Variants in NPB observed in about 807,000 individuals in gnomAD.
NPB encodes prepro-NPB.
NPB carries 8 observed loss-of-function variants against 6.7 expected under a neutral mutation model. That is an observed-to-expected ratio of 1.20 (90% CI 0.71 to 2.17). NPB has a LOEUF of 2.17. Ranked by LOEUF, NPB falls within the 30% of genes most tolerant of loss-of-function variation. The probability of loss-of-function intolerance (pLI) is 0.00; values close to 1 mark genes in which losing one functional copy is unlikely to be tolerated. For synonymous variants in NPB, 118 were observed against 103.4 expected, an observed-to-expected ratio of 1.14 and a Z score of -0.86; for missense variants, 199 against 190.2, an observed-to-expected ratio of 1.05 and a Z score of -0.27.
chr17:81,902,520 G>A lies in NPB; in HGVS notation c.243G>A (p.Arg81=). The change falls in exon 1 of 2, where the codon CGG becomes CGA. Residue 81 remains arginine (R), a synonymous_variant. Transcript: ENST00000333383. Reference sequence around the variant, plus strand: ...AGCTGCAACTGCACCCCAGGCTGCGGAGCCTCGTGAGTCCGGCGTGCCGGG... The same window carrying A: ...AGCTGCAACTGCACCCCAGGCTGCGAAGCCTCGTGAGTCCGGCGTGCCGGG... ...SPELQLHPRL[R]SLAVCVQDVA... The A allele has an allele frequency of 1.4e-6, 2 of 1,451,332 alleles. No individual in the cohort carries two copies. Among genetic ancestry groups the A allele is most frequent in the Non-Finnish European group, 1.8e-6 (2 of 1,108,896 alleles). 89.9% of individuals were successfully genotyped at this position (1,451,332 alleles called of 1,614,324 possible).
rs1406263188 is a variant in NPB at position 81,902,631 on chromosome 17, C to G, written c.261C>G (p.Val87=). Residue 87 remains valine (V), a synonymous_variant, in exon 2 of 2, where the codon GTC becomes GTG. Coordinates refer to ENST00000333383, the MANE Select transcript of NPB (RefSeq NM_148896.5). ...HPRLRSLAVC[V]QDVAPNLQRC... ...TGCCTGCCCCCCAGGCTGTGTGCGTCCAGGACGTCGCCCCAAACCTGCAGA... is the reference window on the plus strand; with the variant it reads ...TGCCTGCCCCCCAGGCTGTGTGCGTGCAGGACGTCGCCCCAAACCTGCAGA... 6.3e-7 allele frequency: 1 copy of G among 1,597,354 alleles called. No homozygotes were observed. The highest frequency in any genetic ancestry group is 1.4e-5 in the African/African-American group (1 of 73,914).
chr17:81,902,825 C>G lies in NPB; in HGVS notation c.*77C>G, dbSNP rs1165798523. 1 of 1,352,828 alleles carries G rather than the reference C, an allele frequency of 7.4e-7. No homozygotes were observed. 83.8% of individuals were successfully genotyped at this position (1,352,828 alleles called of 1,614,324 possible). ...TCGGTGACCCCAGGCCCCTCCGGCG[C>G]GGGATGGCGCCCCAGGTCTCCCCTA... On this transcript the variant is annotated 3_prime_UTR_variant, in exon 2 of 2. Transcript: ENST00000333383.
In NPB at chr17:81,902,715, G is replaced by A; in HGVS notation, c.345G>A (p.Leu115=). The A allele has an allele frequency of 6.2e-7, 1 of 1,608,560 alleles. No homozygotes were observed. ...ACCAGTGCAAGGCGAACGTCTTCCT[G>A]TCCCTGCGCGCAGCCGACTGCCTCG... ...GTYQCKANVF[L]SLRAADCLAA Residue 115 remains leucine (L), a synonymous_variant, in exon 2 of 2, where the codon CTG becomes CTA. Coordinates refer to ENST00000333383, the MANE Select transcript of NPB (RefSeq NM_148896.5).
At chr17:81,902,598 C>G (rs756514191) in intron 1 of NPB, 22 bp from the exon 2 acceptor site, 4 of 1,549,512 alleles carry the variant, frequency 2.6e-6, no homozygotes, top group Admixed American at 3.9e-5. Flanking sequence ...GGCCCCTCAG[C>G]CTTTGCTTGC....
In NPB at chr17:81,902,783, C is replaced by A; in HGVS notation, c.*35C>A. ...TCTCCTGGCACCGCTGGGGGCCCCC[C>A]GCCCCCACCGTCCCACTCGGTGACC... On this transcript the variant is annotated 3_prime_UTR_variant, in exon 2 of 2. Transcript: ENST00000333383. 2 of 1,569,434 alleles carry A rather than the reference C, an allele frequency of 1.3e-6. No homozygotes were observed. The highest frequency in any genetic ancestry group is 1.4e-5 in the African/African-American group (1 of 72,884).
chr17:81,902,333 C>A lies in NPB; in HGVS notation c.56C>A (p.Ala19Glu). 1 of 1,339,984 alleles carries A rather than the reference C, an allele frequency of 7.5e-7. No homozygotes were observed. Among genetic ancestry groups the A allele is most frequent in the South Asian group, 2.0e-5 (1 of 49,536 alleles). 83.0% of individuals were successfully genotyped at this position (1,339,984 alleles called of 1,614,324 possible). The change falls in exon 1 of 2, where the codon GCG (alanine) becomes GAG (glutamate). Residue 19 changes from alanine to glutamate, a missense_variant. Coordinates refer to ENST00000333383, the MANE Select transcript of NPB (RefSeq NM_148896.5). ...AAALALCLLLAPPGLAWYKPA... is the reference protein window; with the variant it reads ...AAALALCLLLEPPGLAWYKPA... The stretch of plus-strand genomic sequence containing the variant: ...GCCCTGGCGCTGTGCCTGCTGCTGG[C>A]GCCGCCTGGCCTCGCGTGGTACAAG...
Position 81,902,712 on chromosome 17 carries a change from C to T in NPB, c.342C>T (p.Phe114=), listed in dbSNP as rs758891138. 1 of 1,608,882 alleles carries T rather than the reference C, an allele frequency of 6.2e-7. No homozygotes were observed. Among genetic ancestry groups the T allele is most frequent in the Admixed American group, 1.7e-5 (1 of 59,868 alleles). ...CCTACCAGTGCAAGGCGAACGTCTTCCTGTCCCTGCGCGCAGCCGACTGCC... is the reference window on the plus strand; with the variant it reads ...CCTACCAGTGCAAGGCGAACGTCTTTCTGTCCCTGCGCGCAGCCGACTGCC... ...RGTYQCKANV[F]LSLRAADCLA... The change falls in exon 2 of 2, where the codon TTC becomes TTT. Residue 114 remains phenylalanine, a synonymous_variant. Coordinates refer to ENST00000333383, the MANE Select transcript of NPB (RefSeq NM_148896.5).
In NPB at chr17:81,902,688, C is replaced by T; in HGVS notation, c.318C>T (p.Thr106=). ...AGCGGCTCCCCGACGGCCGCGGGAC[C>T]TACCAGTGCAAGGCGAACGTCTTCC... is the stretch of plus-strand genomic sequence containing the variant. ...RCERLPDGRG[T]YQCKANVFLS... Residue 106 remains threonine (T), a synonymous_variant, in exon 2 of 2, where the codon ACC becomes ACT. Transcript: ENST00000333383. 2 of 1,608,972 alleles carry T rather than the reference C, an allele frequency of 1.2e-6. No individual in the cohort carries two copies. The highest frequency in any genetic ancestry group is 1.7e-6 in the Non-Finnish European group (2 of 1,178,818).
At position 81,902,729 on chromosome 17, in the gene NPB, C is replaced by T; in HGVS notation, c.359C>T (p.Ala120Val). Residue 120 changes from alanine (A) to valine (V), a missense_variant, in exon 2 of 2, where the codon GCC (alanine) becomes GTC (valine). Physicochemically the swap from Ala to Val is moderately conservative, Grantham distance 64. Coordinates refer to ENST00000333383, the MANE Select transcript of NPB (RefSeq NM_148896.5). Reference sequence around the variant, plus strand: ...AACGTCTTCCTGTCCCTGCGCGCAGCCGACTGCCTCGCCGCCTGAGCCCGG... The same window carrying T: ...AACGTCTTCCTGTCCCTGCGCGCAGTCGACTGCCTCGCCGCCTGAGCCCGG... ...KANVFLSLRA[A>V]DCLAA 6.2e-7 allele frequency: 1 copy of T among 1,607,542 alleles called. No individual in the cohort carries two copies. Among genetic ancestry groups the T allele is most frequent in the Non-Finnish European group, 8.5e-7 (1 of 1,178,176 alleles).
intron 1 of NPB, 31 bp downstream of exon 1, chr17:81,902,557 G>A (rs1316253216): frequency 2.7e-6 from 4 of 1,495,442 alleles, no homozygotes; most frequent in East Asian, 2.7e-5. Flanking sequence ...ACTGATGGGG[G>A]GCGGCGGCAG....
At position 81,902,505 on chromosome 17, in the gene NPB, G is replaced by C; in HGVS notation, c.228G>C (p.Leu76=). ...GGAGASPELQ[L]HPRLRSLAVC... ...CCGGCGCCTCCCCGGAGCTGCAACT[G>C]CACCCCAGGCTGCGGAGCCTCGTGA... Residue 76 remains leucine (L), a synonymous_variant, in exon 1 of 2, where the codon CTG becomes CTC. Transcript: ENST00000333383. 1 of 1,431,814 alleles carries C rather than the reference G, an allele frequency of 7.0e-7. No homozygotes were observed. The highest frequency in any genetic ancestry group is 9.1e-7 in the Non-Finnish European group (1 of 1,099,730). The allele number at this position is 1,431,814 out of a possible 1,614,324, so 88.7% of individuals were successfully genotyped here. A position where few individuals can be genotyped will look rare whatever the true frequency, so the allele number is the denominator to read the frequency against.
At position 81,902,793 on chromosome 17, in the gene NPB, G is replaced by A; in HGVS notation, c.*45G>A. 6.5e-7 allele frequency: 1 copy of A among 1,549,750 alleles called. No individual in the cohort carries two copies. The highest frequency in any genetic ancestry group is 1.2e-5 in the South Asian group (1 of 83,840). ...CCGCTGGGGGCCCCCCGCCCCCACCGTCCCACTCGGTGACCCCAGGCCCCT... is the reference window on the plus strand; with the variant it reads ...CCGCTGGGGGCCCCCCGCCCCCACCATCCCACTCGGTGACCCCAGGCCCCT... On this transcript the variant is annotated 3_prime_UTR_variant, in exon 2 of 2. Transcript: ENST00000333383.
chr17:81,902,694 G>A lies in NPB; in HGVS notation c.324G>A (p.Gln108=), dbSNP rs1253067796. The A allele has an allele frequency of 2.5e-6, 4 of 1,609,062 alleles. No homozygotes were observed. The highest frequency in any genetic ancestry group is 2.5e-6 in the Non-Finnish European group (3 of 1,178,874). ...ERLPDGRGTY[Q]CKANVFLSLR... ...TCCCCGACGGCCGCGGGACCTACCA[G>A]TGCAAGGCGAACGTCTTCCTGTCCC... Residue 108 remains glutamine (Q), a synonymous_variant, in exon 2 of 2, where the codon CAG becomes CAA. Transcript: ENST00000333383.
At position 81,902,892 on chromosome 17, in the gene NPB, G is replaced by C; in HGVS notation, c.*144G>C. ...GTTAATGGCAAACGAATAAATAAAT[G>C]AGGCGGCCTCGGAGTGAGGGGTGCT... On this transcript the variant is annotated 3_prime_UTR_variant, in exon 2 of 2. Transcript: ENST00000333383. 1 of 712,418 alleles carries C rather than the reference G, an allele frequency of 1.4e-6. No homozygotes were observed. The highest frequency in any genetic ancestry group is 2.2e-6 in the Non-Finnish European group (1 of 463,116). The allele number at this position is 712,418 out of a possible 1,614,324, so 44.1% of individuals were successfully genotyped here.
chr17:81,902,517 G>A lies in NPB; in HGVS notation c.240G>A (p.Leu80=). Residue 80 remains leucine, a synonymous_variant, in exon 1 of 2, where the codon CTG becomes CTA. Transcript: ENST00000333383. The stretch of plus-strand genomic sequence containing the variant: ...CGGAGCTGCAACTGCACCCCAGGCT[G>A]CGGAGCCTCGTGAGTCCGGCGTGCC... ...ASPELQLHPR[L]RSLAVCVQDV... 1.4e-6 allele frequency: 2 copies of A among 1,448,166 alleles called. No homozygotes were observed. Among genetic ancestry groups the A allele is most frequent in the Non-Finnish European group, 1.8e-6 (2 of 1,107,446 alleles). 89.7% of individuals were successfully genotyped at this position (1,448,166 alleles called of 1,614,324 possible). A position where few individuals can be genotyped will look rare whatever the true frequency, so the allele number is the denominator to read the frequency against.
In NPB at chr17:81,902,412, C is replaced by A; in HGVS notation, c.135C>A (p.Ser45=). The A allele has an allele frequency of 7.4e-7, 1 of 1,347,848 alleles. No homozygotes were observed. The highest frequency in any genetic ancestry group is 1.9e-5 in the South Asian group (1 of 53,526). 83.5% of individuals were successfully genotyped at this position (1,347,848 alleles called of 1,614,324 possible). ...YSVGRAAGLL[S]GLRRSPYARR... ...TGGGCCGCGCCGCGGGGCTGCTGTC[C>A]GGCCTCCGCAGGTCCCCGTACGCGC... is the stretch of plus-strand genomic sequence containing the variant. Residue 45 remains serine (S), a synonymous_variant, in exon 1 of 2, where the codon TCC becomes TCA. Transcript: ENST00000333383.
Position 81,902,326 on chromosome 17 carries a change from C to G in NPB, c.49C>G (p.Leu17Val). The change falls in exon 1 of 2, where the codon CTG (leucine) becomes GTG (valine). Residue 17 changes from leucine to valine, a missense_variant. Physicochemically the swap from Leu to Val is conservative, Grantham distance 32. Coordinates refer to ENST00000333383, the MANE Select transcript of NPB (RefSeq NM_148896.5). Reference sequence around the variant, plus strand: ...GGCCGCCGCCCTGGCGCTGTGCCTGCTGCTGGCGCCGCCTGGCCTCGCGTG... The same window carrying G: ...GGCCGCCGCCCTGGCGCTGTGCCTGGTGCTGGCGCCGCCTGGCCTCGCGTG... ...LAAAALALCL[L>V]LAPPGLAWYK... The G allele has an allele frequency of 1.5e-6, 2 of 1,340,048 alleles. No homozygotes were observed. Among genetic ancestry groups the G allele is most frequent in the Non-Finnish European group, 1.9e-6 (2 of 1,052,870 alleles). 83.0% of individuals were successfully genotyped at this position (1,340,048 alleles called of 1,614,324 possible).
rs1222750596 is a variant in NPB, at chr17:81,902,344, C to T, written c.67C>T (p.Leu23Phe). 2 of 1,341,334 alleles carry T rather than the reference C, an allele frequency of 1.5e-6. No individual in the cohort carries two copies. The highest frequency in any genetic ancestry group is 3.9e-5 in the Admixed American group (1 of 25,662). The allele number at this position is 1,341,334 out of a possible 1,614,324, so 83.1% of individuals were successfully genotyped here. The change falls in exon 1 of 2, where the codon CTC becomes TTC. Residue 23 changes from leucine to phenylalanine, a missense_variant. Leu to Phe is a conservative substitution (Grantham distance 22). Transcript: ENST00000333383. ...ALCLLLAPPG[L>F]AWYKPAAGHS... ...GTGCCTGCTGCTGGCGCCGCCTGGC[C>T]TCGCGTGGTACAAGCCAGCGGCGGG...
In NPB at chr17:81,902,479, GC is replaced by G; in HGVS notation, c.204del (p.Gly69AlafsTer77). 7.2e-7 allele frequency: 1 copy of G among 1,395,668 alleles called. No homozygotes were observed. 86.5% of individuals were successfully genotyped at this position (1,395,668 alleles called of 1,614,324 possible). On this transcript the variant is annotated frameshift_variant, in exon 1 of 2. Transcript: ENST00000333383. LOFTEE classifies it low-confidence loss of function (END_TRUNC). ...CAGAGGGGCGGAACCCCCGGGCGGG[GC>G]CGGCGCCTCCCCGGAGCTGCAACTG... ...PYRGAEPPGGAGASPELQLHP... is the reference protein window; with the variant it reads ...PYRGAEPPGGXGASPELQLHP...
Sources: gnomAD v4.1 joint callset for allele counts on GRCh38, gnomAD v4.1.1 for gene constraint, MANE v1.5 for transcripts, NCBI Gene and HGNC (gene_info 2026-07-23, HGNC 2026-07-21) for gene names.